The following IL1R1 variants were observed in gnomAD, a reference collection of about 807,000 sequenced individuals.
The protein encoded by IL1R1 is interleukin-1 receptor type 1.
In IL1R1, 22 loss-of-function variants were observed where a neutral mutation model predicts 50.2. The observed-to-expected ratio is 0.44, with a 90% CI of 0.31 to 0.63. IL1R1 has a LOEUF of 0.63. Among genes scored for constraint, IL1R1 ranks in the 20% least tolerant of loss-of-function variants. The probability of loss-of-function intolerance (pLI) is 0.07; values close to 1 mark genes in which losing one functional copy is unlikely to be tolerated. For missense variants in IL1R1, 509 were observed against 676.2 expected, an observed-to-expected ratio of 0.75 and a Z score of 2.74; for synonymous variants, 251 against 236.7, an observed-to-expected ratio of 1.06 and a Z score of -0.55.
intron 1 of IL1R1, among the ~76,000 whole-genome samples, chr2:102,143,552 A>G (rs1682859628): frequency 2.6e-5 from 4 of 152,214 alleles, no homozygotes; most frequent in African/African-American, 9.6e-5. Context: ...CTTGACAGCA[A>G]CTGGTCTTTT....
chr2:102,164,712 T>C, intron 3 of IL1R1, 62 bp from the exon 4 acceptor site: 3 of 1,063,136 alleles, frequency 2.8e-6, no homozygotes, highest in Non-Finnish European at 4.3e-6. Flanking sequence ...TTCGTAGATA[T>C]TAAATCAAGA....
chr2:102,144,392 G>A (rs1388725309), intron 1 of IL1R1, among the ~76,000 whole-genome samples: 2 of 152,082 alleles, frequency 1.3e-5, no homozygotes, highest in Non-Finnish European at 2.9e-5. Context: ...ATTCTCACAT[G>A]ACCTTGGCAG....
intron 1 of IL1R1, among the ~76,000 whole-genome samples, chr2:102,111,466 G>T (rs1398200259): frequency 6.6e-6 from 1 of 152,174 alleles, no homozygotes; most frequent in Non-Finnish European, 1.5e-5. Flanking sequence ...TTTACAAAGG[G>T]CTTTCTCATT....
At chr2:102,139,711 C>T (rs554894067), upstream of IL1R1, among the ~76,000 whole-genome samples, 2 of 152,310 alleles carry the variant, frequency 1.3e-5, no homozygotes, top group South Asian at 2.1e-4. Context: ...ACCTCTCTCT[C>T]GCTTCCTCCT....
At chr2:102,073,533 C>T (rs1678831565) in intron 1 of IL1R1, among the ~76,000 whole-genome samples, 2 of 152,168 alleles carry the variant, frequency 1.3e-5, no homozygotes, top group African/African-American at 4.8e-5. Flanking sequence ...TGATGATTGA[C>T]AGGGAAGCAC....
At chr2:102,170,565 A>C (rs1685584629) in intron 7 of IL1R1, among the ~76,000 whole-genome samples, 1 of 152,268 alleles carries the variant, frequency 6.6e-6, no homozygotes. Context: ...ATTTAGAATT[A>C]ATGTTCTAAA....
At chr2:102,148,576 C>T (rs1004703755) in intron 1 of IL1R1, among the ~76,000 whole-genome samples, 4 of 152,118 alleles carry the variant, frequency 2.6e-5, no homozygotes, top group South Asian at 2.1e-4. Context: ...ATAATATAGC[C>T]GTGTTTGCTC....
chr2:102,147,304 C>T lies in IL1R1; in HGVS notation c.-84+4284C>T, dbSNP rs570694534. On this transcript the variant is annotated intron_variant, in intron 1 of 11. Transcript: ENST00000410023. ...AATTATAGAAGTGAAAACAATGTAA[C>T]GATTCTTGTAGAGAAGGCTTAGTCC... Among the ~76,000 whole-genome samples the T allele has an allele frequency of 1.4e-4, 21 of 152,228 alleles. No individual in the cohort carries two copies. In the South Asian group the frequency reaches 1.9e-3, roughly 14 times the overall value.
intron 6 of IL1R1, among the ~76,000 whole-genome samples, chr2:102,166,724 C>A (rs776712452): frequency 6.6e-6 from 1 of 152,154 alleles, no homozygotes; most frequent in Non-Finnish European, 1.5e-5. Flanking sequence ...CCTGTTCATT[C>A]TGTGTTAGGT....
chr2:102,153,706 A>G (rs2104507752), intron 1 of IL1R1, among the ~76,000 whole-genome samples: 1 of 152,260 alleles, frequency 6.6e-6, no homozygotes, highest in African/African-American at 2.4e-5. Flanking sequence ...TCCTGCTGTC[A>G]TGTAAGACGT....
intron 1 of IL1R1, among the ~76,000 whole-genome samples, chr2:102,118,262 G>A (rs1681203366): frequency 6.6e-6 from 1 of 152,178 alleles, no homozygotes; most frequent in South Asian, 2.1e-4. Context: ...GGTTTGGGGA[G>A]CTCCAGGGCT....
At chr2:102,100,440 A>T (rs1486244902), upstream of IL1R1, among the ~76,000 whole-genome samples, 1 of 152,206 alleles carries the variant, frequency 6.6e-6, no homozygotes, top group Non-Finnish European at 1.5e-5. Context: ...CTCATTTACC[A>T]TTGAGTATGG....
intron 1 of IL1R1, chr2:102,104,983 A>G (rs1680323448): frequency 6.6e-6 from 1 of 152,102 alleles, no homozygotes; most frequent in East Asian, 1.9e-4. Flanking sequence ...ATGGAATCTG[A>G]TAAAAGGTAA....
chr2:102,073,499 A>C (rs1678829538), intron 1 of IL1R1, among the ~76,000 whole-genome samples: 1 of 152,140 alleles, frequency 6.6e-6, no homozygotes, highest in South Asian at 2.1e-4. Context: ...CCCTTCCCTC[A>C]ACCTCCAGTG....
intron 1 of IL1R1, among the ~76,000 whole-genome samples, chr2:102,072,924 C>T (rs373336153): frequency 3.9e-5 from 6 of 152,174 alleles, no homozygotes; most frequent in East Asian, 3.9e-4. Context: ...AGGCCCTTCC[C>T]GGCCAGTTCT....
rs1685808410 is a variant in IL1R1 at position 102,172,877 on chromosome 2, T to C, written c.991+39T>C. On this transcript the variant is annotated intron_variant, in intron 9 of 11. Coordinates refer to ENST00000410023, the MANE Select transcript of IL1R1 (RefSeq NM_000877.4). ...TAATTGAAATGCAGTTTTGTTTTACTGTAGTAAGATTCCATGACTTTGAAG... is the reference window on the plus strand; with the variant it reads ...TAATTGAAATGCAGTTTTGTTTTACCGTAGTAAGATTCCATGACTTTGAAG... 3 of 1,445,448 alleles carry C rather than the reference T, an allele frequency of 2.1e-6. No homozygotes were observed. In the East Asian group the frequency reaches 6.9e-5, roughly 33 times the overall value. The allele number at this position is 1,445,448 out of a possible 1,614,324, so 89.5% of individuals were successfully genotyped here.
chr2:102,112,405 T>C (rs1680822081), intron 1 of IL1R1, among the ~76,000 whole-genome samples: 1 of 151,586 alleles, frequency 6.6e-6, no homozygotes. Context: ...CCTGAGGTGA[T>C]ACTAATGGAT....
At chr2:102,144,126 TC>T (rs1682913849) in intron 1 of IL1R1, among the ~76,000 whole-genome samples, 1 of 152,278 alleles carries the variant, frequency 6.6e-6, no homozygotes, top group Admixed American at 6.5e-5. Flanking sequence ...GTTTTCTTTC[TC>T]AATCCCTTCT....
Position 102,089,613 on chromosome 2 carries a change from C to T in IL1R1, c.-84+19080C>T, listed in dbSNP as rs535443719. 2.1e-3 allele frequency among the ~76,000 whole-genome samples: 322 copies of T among 152,198 alleles called. 4 individuals are homozygous for T. Among genetic ancestry groups the T allele is most frequent in the African/African-American group, 7.5e-3 (312 of 41,532 alleles). On this transcript the variant is annotated intron_variant, in intron 1 of 11. Transcript: ENST00000409929. ...TCAATTTGTAAAACAAAACAAAAAC[C>T]CCCACAGTATCTGTGAGGTACAATA...
Sources: allele counts gnomAD v4.1 joint callset (sites outside exome capture counted in the v4.1 genomes callset), GRCh38; gene constraint gnomAD v4.1.1; transcripts MANE v1.5; gene names NCBI Gene and HGNC (gene_info 2026-07-23, HGNC 2026-07-21).